The following NLRP2 variants were observed in gnomAD, a reference collection of about 807,000 sequenced individuals.
NLRP2 encodes the protein NLR family pyrin domain containing 2.
Under a neutral mutation model 97.2 loss-of-function variants are expected in NLRP2, and 107 were observed. That is an observed-to-expected ratio of 1.10 (90% CI 0.94 to 1.29). The LOEUF is 1.29. Among genes scored for constraint, NLRP2 ranks in the 50% most tolerant of loss-of-function variants. NLRP2 has a pLI of 0.00. For synonymous variants in NLRP2, 663 were observed against 551.5 expected (o/e 1.20, Z -2.83); for missense variants, 1,495 against 1,330.3 (o/e 1.12, Z -1.93).
chr19:54,990,358 C>G, intron 9 of NLRP2, 144 bp from the exon 10 acceptor site: 1 of 1,122,162 alleles, frequency 8.9e-7, no homozygotes, highest in South Asian at 1.3e-5. Context: ...TCTCTCATTC[C>G]TATTCCTTCA....
intron 1 of NLRP2, among the ~76,000 whole-genome samples, chr19:54,968,059 C>T (rs1280054886): frequency 6.6e-6 from 1 of 151,808 alleles, no homozygotes; most frequent in African/African-American, 2.4e-5. Flanking sequence ...GCTGGGACTA[C>T]AGCCGCCTGT....
intron 11 of NLRP2, 125 bp from the exon 12 acceptor site, chr19:54,997,192 A>T (rs1470942347): frequency 2.0e-6 from 2 of 979,504 alleles, no homozygotes; most frequent in East Asian, 4.8e-5. Flanking sequence ...GGCGTGAACC[A>T]CCGTGCCCGG....
At position 54,983,544 on chromosome 19, in the gene NLRP2, G is replaced by C. The variant is rs756163264; in HGVS notation, c.1846G>C (p.Glu616Gln). Residue 616 changes from glutamate to glutamine, a missense_variant, in exon 6 of 13, where the codon GAG becomes CAG. By Grantham distance (29) the Glu-to-Gln change is conservative. Transcript: ENST00000448584. ...LGCLYESQEEELVKEVMAQFK... is the reference protein window; with the variant it reads ...LGCLYESQEEQLVKEVMAQFK... The stretch of plus-strand genomic sequence containing the variant: ...CTGTCTGTACGAGTCTCAGGAGGAG[G>C]AGCTGGTGAAGGAGGTGATGGCTCA... 1 of 1,614,198 alleles carries C rather than the reference G, an allele frequency of 6.2e-7. No individual in the cohort carries two copies. The highest frequency in any genetic ancestry group is 8.5e-7 in the Non-Finnish European group (1 of 1,180,036).
At chr19:54,967,115 C>T (rs2070498454) in intron 1 of NLRP2, among the ~76,000 whole-genome samples, 1 of 151,968 alleles carries the variant, frequency 6.6e-6, no homozygotes, top group Admixed American at 6.6e-5. Flanking sequence ...GATCTTCCTG[C>T]CTCAGACTCC....
intron 3 of NLRP2, among the ~76,000 whole-genome samples, chr19:54,976,546 C>T (rs564790216): frequency 1.3e-5 from 2 of 152,104 alleles, no homozygotes; most frequent in African/African-American, 4.8e-5. Flanking sequence ...AGGGTTTCAC[C>T]ATGTTGGCCA....
intron 8 of NLRP2, among the ~76,000 whole-genome samples, chr19:54,987,134 C>G (rs981372427): frequency 6.7e-6 from 1 of 149,836 alleles, no homozygotes; most frequent in Non-Finnish European, 1.5e-5. Context: ...ATCTACCCCC[C>G]CACCCCCACC....
intron 2 of NLRP2, among the ~76,000 whole-genome samples, chr19:54,973,445 G>C (rs1316838011): frequency 6.9e-6 from 1 of 145,656 alleles, no homozygotes; most frequent in Admixed American, 7.4e-5. Context: ...GCGCGATCTC[G>C]GCTCACTGTG....
rs149295176 is a variant in NLRP2 at position 54,983,269 on chromosome 19, A to G, written c.1571A>G (p.Asp524Gly). Residue 524 changes from aspartate (D) to glycine (G), a missense_variant, in exon 6 of 13, where the codon GAT becomes GGT. By Grantham distance (94) the Asp-to-Gly change is moderately conservative. Transcript: ENST00000448584. ...FYTLEKEEEE[D>G]RDGHTWDIGD... ...ACCCTGGAGAAGGAGGAGGAAGAGG[A>G]TAGGGACGGCCACACCTGGGACATT... The G allele has an allele frequency of 9.5e-5, 154 of 1,613,660 alleles. 3 individuals carry two copies. Among genetic ancestry groups the G allele is most frequent in the Middle Eastern group, 1.6e-4 (1 of 6,084 alleles).
chr19:54,996,838 C>CCACTTG, intron 11 of NLRP2, among the ~76,000 whole-genome samples: 1 of 152,074 alleles, frequency 6.6e-6, no homozygotes, highest in Non-Finnish European at 1.5e-5. Context: ...ATTCCCTGTA[C>CCACTTG]CCCTTGCCCT....
At chr19:54,990,318 T>G in intron 9 of NLRP2, 126 bp downstream of exon 9, 1 of 1,169,342 alleles carries the variant, frequency 8.6e-7, no homozygotes, top group Non-Finnish European at 1.3e-6. Context: ...CATGTTTAGA[T>G]CCAGGCCGAT....
intron 2 of NLRP2, among the ~76,000 whole-genome samples, chr19:54,972,644 A>T (rs2070939066): frequency 6.6e-6 from 1 of 151,670 alleles, no homozygotes; most frequent in African/African-American, 2.4e-5. Flanking sequence ...TTTTGTAGAG[A>T]TAGGGTTTCA....
At chr19:54,995,945 TG>T (rs1347565525) in intron 11 of NLRP2, among the ~76,000 whole-genome samples, 15 of 145,520 alleles carry the variant, frequency 1.0e-4, no homozygotes, top group African/African-American at 3.8e-4. Context: ...GAGGCTGAGG[TG>T]GGAGGATCAC....
At chr19:54,976,238 A>G (rs759311926) in intron 3 of NLRP2, among the ~76,000 whole-genome samples, 1 of 151,632 alleles carries the variant, frequency 6.6e-6, no homozygotes, top group Non-Finnish European at 1.5e-5. Flanking sequence ...TAATTTTAGT[A>G]GAGATGGGGT....
In NLRP2 at chr19:54,984,433, C is replaced by G. The variant is rs150209982; in HGVS notation, c.2031-614C>G. Among the ~76,000 whole-genome samples the G allele has an allele frequency of 4.1e-3, 561 of 138,350 alleles. 3 individuals carry two copies. The highest frequency in any genetic ancestry group is 0.015 in the African/African-American group (539 of 35,500). 90.8% of individuals were successfully genotyped at this position (138,350 alleles called of 152,430 possible). A position where few individuals can be genotyped will look rare whatever the true frequency, so the allele number is the denominator to read the frequency against. The stretch of plus-strand genomic sequence containing the variant: ...GAGATTACAGGCATGAGTTACCACA[C>G]GCCCTGCCTGAATATTTCTTATTGA... On this transcript the variant is annotated intron_variant, in intron 6 of 12. Transcript: ENST00000448584.
At chr19:54,975,257 AC>A (rs1372620874) in intron 3 of NLRP2, among the ~76,000 whole-genome samples, 1 of 147,928 alleles carries the variant, frequency 6.8e-6, no homozygotes, top group Non-Finnish European at 1.5e-5. Flanking sequence ...AGTAGCTGGG[AC>A]CACAGGCACT....
At chr19:54,976,961 A>G (rs1160685516) in intron 3 of NLRP2, 1 of 366,344 alleles carries the variant, frequency 2.7e-6, no homozygotes, top group Non-Finnish European at 5.2e-6. Context: ...ACTTACAGGT[A>G]ACACACCACC....
intron 8 of NLRP2, among the ~76,000 whole-genome samples, chr19:54,987,785 G>A (rs2072195839): frequency 6.6e-6 from 1 of 150,824 alleles, no homozygotes; most frequent in African/African-American, 2.4e-5. Context: ...GCTCATGCCT[G>A]TAATCCCAGC....
intron 12 of NLRP2, 30 bp from the exon 13 acceptor site, chr19:55,000,730 G>C (rs1357347663): frequency 3.7e-6 from 6 of 1,611,570 alleles, no homozygotes; most frequent in Non-Finnish European, 5.1e-6. Flanking sequence ...GATGCACAAA[G>C]TAACCTTTTC....
At chr19:54,993,835 T>G in intron 10 of NLRP2, 1 of 285,764 alleles carries the variant, frequency 3.5e-6, no homozygotes, top group Non-Finnish European at 6.8e-6. Context: ...CAGCTGAGAA[T>G]CCTTTTTACT....
Sources: allele counts gnomAD v4.1 joint callset (sites outside exome capture counted in the v4.1 genomes callset), GRCh38; gene constraint gnomAD v4.1.1; transcripts MANE v1.5; gene names NCBI Gene and HGNC (gene_info 2026-07-23, HGNC 2026-07-21).